KIFAP3: variants seen among roughly 807,000 people sequenced by gnomAD.
The protein encoded by KIFAP3 is kinesin associated protein 3.
A neutral mutation model predicts 106.5 loss-of-function variants in KIFAP3; 68 were observed. That is an observed-to-expected ratio of 0.64 (90% CI 0.53 to 0.78). The LOEUF is 0.78. Ranked by LOEUF, KIFAP3 falls within the 30% of genes least tolerant of loss-of-function variation. KIFAP3 has a pLI of 0.00. For synonymous variants in KIFAP3, 320 were observed against 311.5 expected (o/e 1.03, Z -0.29); for missense variants, 780 against 941.8 (o/e 0.83, Z 2.25).
intron 12 of KIFAP3, 80 bp from the exon 13 acceptor site, chr1:169,983,462 A>G (rs1666637597): frequency 1.2e-6 from 1 of 840,248 alleles, no homozygotes; most frequent in Non-Finnish European, 1.9e-6. Context: ...AAAAAGCCAC[A>G]ACAATTTACA....
intron 19 of KIFAP3, among the ~76,000 whole-genome samples, chr1:169,940,853 T>C (rs974296657): frequency 6.6e-6 from 1 of 152,124 alleles, no homozygotes; most frequent in African/African-American, 2.4e-5. Flanking sequence ...AAAACTCTAC[T>C]GGACTGTTCA....
chr1:170,033,573 T>C (rs967784750), intron 7 of KIFAP3, among the ~76,000 whole-genome samples: 6 of 151,868 alleles, frequency 4.0e-5, no homozygotes, highest in Middle Eastern at 3.4e-3. Flanking sequence ...GTTTAGAGGC[T>C]AAAATATGAT....
intron 3 of KIFAP3, chr1:170,041,832 C>A: frequency 6.9e-7 from 1 of 1,448,958 alleles, no homozygotes; most frequent in Non-Finnish European, 9.2e-7. Context: ...CCTGCTGACC[C>A]TTCCCAATCT....
At position 169,971,132 on chromosome 1, in the gene KIFAP3, A is replaced by G. The variant is rs1274043558; in HGVS notation, c.1983+1381T>C. Among the ~76,000 whole-genome samples the G allele has an allele frequency of 5.3e-5, 8 of 152,074 alleles. No individual in the cohort carries two copies. In the East Asian group the frequency reaches 1.5e-3, roughly 29 times the overall value. Reference sequence around the variant, plus strand: ...CTTACATTCTAAACCACATACACTTAATCTGTAAATCTAAACATTATCTTC... The same window carrying G: ...CTTACATTCTAAACCACATACACTTGATCTGTAAATCTAAACATTATCTTC... On this transcript the variant is annotated intron_variant, in intron 17 of 19. Transcript: ENST00000361580.
chr1:170,083,011 T>G (rs956022645), intron 1 of KIFAP3, among the ~76,000 whole-genome samples: 1 of 151,794 alleles, frequency 6.6e-6, no homozygotes, highest in Non-Finnish European at 1.5e-5. Flanking sequence ...GAAGAGAAAA[T>G]TTGTAAATAT....
At chr1:170,065,613 CAAAAAAAAAAAAAA>C (rs71125225) in intron 1 of KIFAP3, among the ~76,000 whole-genome samples, 3 of 49,876 alleles carry the variant, frequency 6.0e-5, no homozygotes, top group Admixed American at 5.7e-4. Flanking sequence ...GACTCCACCT[CAAAAAAAAAAAAAA>C]AAAAAAAAAA....
chr1:170,039,304 T>G lies in KIFAP3; in HGVS notation c.320-16A>C. ...TCTTTTTTCTCTGTAAAAAGATTTT[T>G]TTTTAATAAGGAGACTTAGGTTTTT... On this transcript the variant is annotated splice_polypyrimidine_tract_variant and intron_variant, in intron 3 of 19. Coordinates refer to ENST00000361580, the MANE Select transcript of KIFAP3 (RefSeq NM_014970.4). The G allele has an allele frequency of 6.6e-7, 1 of 1,517,364 alleles. No individual in the cohort carries two copies. The highest frequency in any genetic ancestry group is 9.1e-7 in the Non-Finnish European group (1 of 1,103,836). The allele number at this position is 1,517,364 out of a possible 1,614,324, so 94.0% of individuals were successfully genotyped here.
intron 10 of KIFAP3, among the ~76,000 whole-genome samples, chr1:170,004,194 G>A (rs61825321): frequency 0.94 from 140,478 of 149,976 alleles, 65,877 homozygotes; most frequent in East Asian, 1. Flanking sequence ...CCACTGCTCA[G>A]TGAAATAAAA....
At chr1:169,950,654 C>A (rs1171875892) in intron 19 of KIFAP3, among the ~76,000 whole-genome samples, 1 of 152,062 alleles carries the variant, frequency 6.6e-6, no homozygotes, top group East Asian at 1.9e-4. Context: ...TTATTCTCAT[C>A]TTTACAGTAG....
intron 10 of KIFAP3, among the ~76,000 whole-genome samples, chr1:170,006,037 C>T (rs1351689625): frequency 6.6e-6 from 1 of 152,096 alleles, no homozygotes; most frequent in Non-Finnish European, 1.5e-5. Context: ...TTCTAGTTAT[C>T]AAGAAAATAT....
At chr1:170,010,608 A>G (rs1219407115) in intron 10 of KIFAP3, among the ~76,000 whole-genome samples, 1 of 151,930 alleles carries the variant, frequency 6.6e-6, no homozygotes, top group African/African-American at 2.4e-5. Context: ...GAAGTTATTC[A>G]GTCATTAACA....
At chr1:170,037,868 G>T (rs1344667522) in intron 5 of KIFAP3, among the ~76,000 whole-genome samples, 3 of 152,164 alleles carry the variant, frequency 2.0e-5, no homozygotes, top group African/African-American at 2.4e-5. Flanking sequence ...TTACTACCAA[G>T]TACTTTTAGT....
chr1:170,011,311 A>G (rs1668231443), intron 10 of KIFAP3, among the ~76,000 whole-genome samples: 1 of 151,904 alleles, frequency 6.6e-6, no homozygotes, highest in Admixed American at 6.6e-5. Flanking sequence ...AAGTCTAACC[A>G]CCTCCTCTAG....
intron 10 of KIFAP3, among the ~76,000 whole-genome samples, chr1:170,003,800 A>G (rs1198969465): frequency 6.6e-6 from 1 of 152,204 alleles, no homozygotes; most frequent in African/African-American, 2.4e-5. Context: ...AAACTGGCAC[A>G]AGACAGGGAT....
At chr1:169,998,435 CACCA>C (rs1327552433) in intron 10 of KIFAP3, among the ~76,000 whole-genome samples, 17 of 150,564 alleles carry the variant, frequency 1.1e-4, no homozygotes, top group South Asian at 2.1e-4. Context: ...CACACACACA[CACCA>C]CACACACTTT....
intron 1 of KIFAP3, among the ~76,000 whole-genome samples, chr1:170,064,581 T>G (rs1671340695): frequency 6.6e-6 from 1 of 152,176 alleles, no homozygotes; most frequent in African/African-American, 2.4e-5. Flanking sequence ...CTTGAACTCC[T>G]GGGCTCAAGC....
intron 10 of KIFAP3, among the ~76,000 whole-genome samples, chr1:170,001,940 ATAAAG>A (rs1169689924): frequency 2.6e-5 from 4 of 152,182 alleles, no homozygotes; most frequent in Non-Finnish European, 5.9e-5. Flanking sequence ...TCATATTAAT[ATAAAG>A]TAAATAAGTG....
chr1:170,070,739 C>A (rs781094409), intron 1 of KIFAP3, among the ~76,000 whole-genome samples: 2 of 152,086 alleles, frequency 1.3e-5, no homozygotes, highest in African/African-American at 4.8e-5. Flanking sequence ...GAGGGACAAA[C>A]CTTCATGACC....
At chr1:169,983,661 T>G (rs190747340) in intron 12 of KIFAP3, among the ~76,000 whole-genome samples, 75 of 152,016 alleles carry the variant, frequency 4.9e-4, no homozygotes, top group Non-Finnish European at 8.1e-4. Flanking sequence ...TATATAAATT[T>G]TGCCTGATAT....
Sources: gnomAD v4.1 joint callset for allele counts (sites outside exome capture counted in the v4.1 genomes callset) on GRCh38, gnomAD v4.1.1 for gene constraint, MANE v1.5 for transcripts, NCBI Gene and HGNC (gene_info 2026-07-23, HGNC 2026-07-21) for gene names.